The following KAZN variants were observed in gnomAD, a reference collection of about 807,000 sequenced individuals.
KAZN encodes kazrin.
A neutral mutation model predicts 87.4 loss-of-function variants in KAZN; 40 were observed. That is an observed-to-expected ratio of 0.46 (90% CI 0.36 to 0.60). The LOEUF is 0.60. Ranked by LOEUF, KAZN falls within the 20% of genes least tolerant of loss-of-function variation. KAZN has a pLI of 0.00. For synonymous variants in KAZN, 466 were observed against 458.3 expected (o/e 1.02, Z -0.22); for missense variants, 898 against 1,073.9 (o/e 0.84, Z 2.29).
chr1:14,419,766 T>G (rs532073555), intron 2 of KAZN, among the ~76,000 whole-genome samples: 42 of 152,028 alleles, frequency 2.8e-4, no homozygotes, highest in Non-Finnish European at 2.2e-4. Flanking sequence ...GCGTCTGGTG[T>G]TGTTTGTCCC....
At chr1:14,833,579 C>T (rs546996761) in intron 1 of KAZN, among the ~76,000 whole-genome samples, 33 of 152,262 alleles carry the variant, frequency 2.2e-4, no homozygotes, top group African/African-American at 7.7e-4. Flanking sequence ...CTACCCCCCC[C>T]AGGCCCTCAT....
At chr1:14,862,427 C>T (rs1650974017) in intron 1 of KAZN, among the ~76,000 whole-genome samples, 1 of 152,096 alleles carries the variant, frequency 6.6e-6, no homozygotes, top group Non-Finnish European at 1.5e-5. Context: ...CAGTGCACCT[C>T]CAATCAATTG....
At chr1:14,015,073 T>C (rs1169256604) in intron 1 of KAZN, among the ~76,000 whole-genome samples, 1 of 152,224 alleles carries the variant, frequency 6.6e-6, no homozygotes. Context: ...TCTTTCCTTT[T>C]TTTACACTTC....
At chr1:15,085,785 C>T (rs1331905766) in intron 8 of KAZN, among the ~76,000 whole-genome samples, 1 of 152,114 alleles carries the variant, frequency 6.6e-6, no homozygotes, top group East Asian at 1.9e-4. Context: ...CAACTTATAT[C>T]TAACTGGAAT....
At chr1:14,526,142 C>T (rs1412067888) in intron 2 of KAZN, among the ~76,000 whole-genome samples, 1 of 152,196 alleles carries the variant, frequency 6.6e-6, no homozygotes, top group African/African-American at 2.4e-5. Context: ...ACATTTTTCC[C>T]TTCCCTGGCT....
chr1:14,990,105 G>A (rs1667207084), intron 2 of KAZN, among the ~76,000 whole-genome samples: 1 of 152,212 alleles, frequency 6.6e-6, no homozygotes, highest in South Asian at 2.1e-4. Flanking sequence ...ATGCAGGCCT[G>A]TCTCATTCCA....
intron 1 of KAZN, among the ~76,000 whole-genome samples, chr1:13,917,677 G>A (rs147653101): frequency 1.5e-3 from 229 of 151,598 alleles, no homozygotes; most frequent in African/African-American, 5.3e-3. Context: ...TGCAGCTGTG[G>A]TCCCAGCTAC....
intron 2 of KAZN, among the ~76,000 whole-genome samples, chr1:14,541,642 G>C (rs2148495905): frequency 6.6e-6 from 1 of 152,346 alleles, no homozygotes; most frequent in Non-Finnish European, 1.5e-5. Context: ...CGGCATTTCA[G>C]AAGATCTGGT....
intron 8 of KAZN, among the ~76,000 whole-genome samples, chr1:15,083,405 A>G (rs932853160): frequency 1.3e-5 from 2 of 151,908 alleles, no homozygotes; most frequent in African/African-American, 4.8e-5. Context: ...TGCCTGTGTC[A>G]CTCCAGCCCA....
At chr1:14,609,444 A>G (rs1421581919) in intron 1 of KAZN, among the ~76,000 whole-genome samples, 1 of 152,220 alleles carries the variant, frequency 6.6e-6, no homozygotes, top group East Asian at 1.9e-4. Context: ...CAACTACTAA[A>G]ACAAAACAAA....
chr1:14,274,089 G>A (rs975612354), intron 2 of KAZN, among the ~76,000 whole-genome samples: 2 of 152,126 alleles, frequency 1.3e-5, no homozygotes, highest in East Asian at 1.9e-4. Context: ...CACCCACTAC[G>A]GTTCCTATGT....
intron 1 of KAZN, among the ~76,000 whole-genome samples, chr1:14,752,715 A>G (rs1644446491): frequency 6.6e-6 from 1 of 152,162 alleles, no homozygotes; most frequent in African/African-American, 2.4e-5. Flanking sequence ...TCACATTGGC[A>G]ATTAAGTTTC....
chr1:14,631,819 G>A (rs757919086), intron 1 of KAZN, among the ~76,000 whole-genome samples: 8 of 152,208 alleles, frequency 5.3e-5, no homozygotes, highest in Non-Finnish European at 7.3e-5. Context: ...ACCTTTGGGG[G>A]TTGTGTATCT....
chr1:14,769,377 G>A lies in KAZN; in HGVS notation c.226+170154G>A, dbSNP rs1488548470. 4.6e-5 allele frequency among the ~76,000 whole-genome samples: 7 copies of A among 152,036 alleles called. No homozygotes were observed. The highest frequency in any genetic ancestry group is 3.9e-4 in the Admixed American group (6 of 15,254). On this transcript the variant is annotated intron_variant, in intron 1 of 14. Transcript: ENST00000376030. The surrounding 1 kb of genome is among the most constrained non-coding windows in gnomAD (Gnocchi z 4.1). ...CAGGTCTTTTTTCTTTTCTTGAGAC[G>A]GAGTCGTGCTCTCGTTGCCCAGGCT...
intron 8 of KAZN, among the ~76,000 whole-genome samples, chr1:15,079,143 T>C (rs1639887832): frequency 6.6e-6 from 1 of 152,074 alleles, no homozygotes; most frequent in African/African-American, 2.4e-5. Flanking sequence ...AGTGGTGAGT[T>C]CCTGTCCCGG....
chr1:14,277,030 G>A (rs986406041), intron 2 of KAZN, among the ~76,000 whole-genome samples: 2 of 152,092 alleles, frequency 1.3e-5, no homozygotes, highest in Admixed American at 6.5e-5. Context: ...AGTTGTCATA[G>A]CTTCACAAAA....
Position 14,716,654 on chromosome 1 carries a change from G to A in KAZN, c.226+117431G>A, listed in dbSNP as rs77982294. On this transcript the variant is annotated intron_variant, in intron 1 of 14. Transcript: ENST00000376030. ...AAAGCCCACTGCTCAGCCCTCAGGCGGAGCACCTGAAAGGCTGGCATTTCA... is the reference window on the plus strand; with the variant it reads ...AAAGCCCACTGCTCAGCCCTCAGGCAGAGCACCTGAAAGGCTGGCATTTCA... Among the ~76,000 whole-genome samples the A allele has an allele frequency of 9.8e-3, 1,497 of 152,162 alleles. 33 individuals are homozygous for A. The highest frequency in any genetic ancestry group is 0.07 in the East Asian group (359 of 5,156).
chr1:14,386,412 T>C (rs1038283084), intron 2 of KAZN, among the ~76,000 whole-genome samples: 5 of 151,976 alleles, frequency 3.3e-5, no homozygotes, highest in Non-Finnish European at 7.4e-5. Context: ...CTAGTCTCAA[T>C]GGTCTTTACA....
intron 1 of KAZN, among the ~76,000 whole-genome samples, chr1:14,643,998 C>A (rs924083324): frequency 1.4e-5 from 2 of 143,252 alleles, no homozygotes; most frequent in Non-Finnish European, 3.0e-5. Flanking sequence ...ATGTCCTTTG[C>A]CCACTTTTTT....
Sources: gnomAD v4.1 joint callset for allele counts (sites outside exome capture counted in the v4.1 genomes callset) on GRCh38, gnomAD v4.1.1 for gene constraint, Gnocchi (gnomAD v3.1) non-coding constraint, MANE v1.5 for transcripts, NCBI Gene and HGNC (gene_info 2026-07-23, HGNC 2026-07-21) for gene names.